Variants in FOXP2 observed in about 807,000 individuals in gnomAD.
FOXP2 encodes forkhead box protein P2.
Under a neutral mutation model 115.8 loss-of-function variants are expected in FOXP2, and 12 were observed. That is an observed-to-expected ratio of 0.10 (90% CI 0.07 to 0.17). FOXP2 has a LOEUF of 0.17. Ranked by LOEUF, FOXP2 falls within the 10% of genes least tolerant of loss-of-function variation. The pLI, the probability that FOXP2 is intolerant of heterozygous loss-of-function variation, is 1.00. For synonymous variants in FOXP2, 328 were observed against 297.7 expected (o/e 1.10, Z -1.05); for missense variants, 629 against 843.5 (o/e 0.75, Z 3.15).
In FOXP2 at chr7:114,180,898, G is replaced by C. The variant is rs147500710; in HGVS notation, c.-102+17810G>C. On this transcript the variant is annotated intron_variant, in intron 1 of 17. Transcript: ENST00000634411. ...ACCCTTTATCTCCTCCAATTCACTA[G>C]GTAACAAAAATTACCTTTTTAAAAA... Among the ~76,000 whole-genome samples the C allele has an allele frequency of 3.6e-4, 55 of 151,564 alleles. 1 individual carries two copies. In the East Asian group the frequency reaches 0.01, roughly 28 times the overall value.
intron 2 of FOXP2, among the ~76,000 whole-genome samples, chr7:114,466,921 C>T (rs1357408033): frequency 6.6e-6 from 1 of 152,142 alleles, no homozygotes; most frequent in Non-Finnish European, 1.5e-5. Context: ...AAATATAACA[C>T]CTGTGTGCTA....
chr7:114,275,170 C>T (rs1796159274), intron 1 of FOXP2, among the ~76,000 whole-genome samples: 1 of 151,534 alleles, frequency 6.6e-6, no homozygotes, highest in South Asian at 2.1e-4. Flanking sequence ...TTGGTGTTCT[C>T]TGAGTTTTCT....
chr7:114,439,324 A>G (rs1025501989), intron 2 of FOXP2, among the ~76,000 whole-genome samples: 1 of 152,154 alleles, frequency 6.6e-6, no homozygotes, highest in Non-Finnish European at 1.5e-5. Context: ...GCATGTTAAC[A>G]TAACCTTCCT....
intron 16 of FOXP2, among the ~76,000 whole-genome samples, chr7:114,689,011 C>G (rs1808517555): frequency 6.6e-6 from 1 of 152,032 alleles, no homozygotes; most frequent in African/African-American, 2.4e-5. Context: ...AATATTTTTC[C>G]ACCAGGTGCT....
At chr7:114,296,651 C>T (rs1001352566) in intron 2 of FOXP2, among the ~76,000 whole-genome samples, 5 of 151,928 alleles carry the variant, frequency 3.3e-5, no homozygotes, top group South Asian at 2.1e-4. Context: ...CATATAATGC[C>T]GCAATAACAT....
intron 2 of FOXP2, among the ~76,000 whole-genome samples, chr7:114,334,958 T>TATATATATATATAGAG (rs1562875899): frequency 7.3e-6 from 1 of 136,340 alleles, no homozygotes; most frequent in Non-Finnish European, 1.6e-5. Flanking sequence ...TATATATATA[T>TATATATATATATAGAG]AGAAATCCAA....
chr7:114,137,994 G>C (rs1792088735), intron 1 of FOXP2, among the ~76,000 whole-genome samples: 2 of 152,060 alleles, frequency 1.3e-5, no homozygotes. Context: ...ATAGGATTGG[G>C]GCAGGAAATG....
At chr7:114,647,092 A>G (rs1264185948) in intron 8 of FOXP2, among the ~76,000 whole-genome samples, 3 of 151,956 alleles carry the variant, frequency 2.0e-5, no homozygotes, top group Non-Finnish European at 4.4e-5. Flanking sequence ...TTTTAGTTCT[A>G]GTATACGCTA....
intron 1 of FOXP2, among the ~76,000 whole-genome samples, chr7:114,104,590 T>C (rs1791066532): frequency 1.3e-5 from 2 of 152,064 alleles, no homozygotes; most frequent in South Asian, 2.1e-4. Context: ...TCTATTGTTA[T>C]TTCTCTTTTT....
intron 2 of FOXP2, among the ~76,000 whole-genome samples, chr7:114,503,974 G>T (rs1584818412): frequency 6.6e-6 from 1 of 151,594 alleles, no homozygotes; most frequent in Non-Finnish European, 1.5e-5. Context: ...CAAGCATTAA[G>T]AAAAATGTGG....
rs1239062226 is a variant in FOXP2 at position 114,693,469 on chromosome 7, C to T, written c.*3543C>T. The T allele has an allele frequency of 2.2e-6, 1 of 453,008 alleles. No homozygotes were observed. The highest frequency in any genetic ancestry group is 4.4e-6 in the Non-Finnish European group (1 of 226,330). The allele number at this position is 453,008 out of a possible 1,614,324, so 28.1% of individuals were successfully genotyped here. A position where few individuals can be genotyped will look rare whatever the true frequency, so the allele number is the denominator to read the frequency against. Reference sequence around the variant, plus strand: ...TTGAGAATTTTGAGACTTCATCTTACACATGCCAGTATTAACACACATTTG... The same window carrying T: ...TTGAGAATTTTGAGACTTCATCTTATACATGCCAGTATTAACACACATTTG... On this transcript the variant is annotated 3_prime_UTR_variant, in exon 17 of 17. Coordinates refer to ENST00000350908, the MANE Select transcript of FOXP2 (RefSeq NM_014491.4).
chr7:114,558,720 A>G (rs2129290055), intron 3 of FOXP2, among the ~76,000 whole-genome samples: 1 of 152,234 alleles, frequency 6.6e-6, no homozygotes, highest in African/African-American at 2.4e-5. Context: ...TTATTATCTC[A>G]TCTGCCCTGT....
intron 3 of FOXP2, among the ~76,000 whole-genome samples, chr7:114,573,858 G>A (rs1484588997): frequency 2.0e-5 from 3 of 151,694 alleles, no homozygotes; most frequent in South Asian, 2.1e-4. Flanking sequence ...TTATCTCAAG[G>A]AAATAATATT....
intron 2 of FOXP2, among the ~76,000 whole-genome samples, chr7:114,337,409 AGC>A (rs1213433039): frequency 1.3e-5 from 2 of 151,326 alleles, no homozygotes; most frequent in African/African-American, 4.8e-5. Flanking sequence ...TCTTACTATG[AGC>A]GATTCAACTA....
chr7:114,308,464 T>C (rs1797069099), intron 2 of FOXP2, among the ~76,000 whole-genome samples: 1 of 152,146 alleles, frequency 6.6e-6, no homozygotes, highest in Non-Finnish European at 1.5e-5. Context: ...AAAACAGGTC[T>C]GTATAACCAT....
At chr7:114,655,323 A>G (rs1806522147) in intron 10 of FOXP2, among the ~76,000 whole-genome samples, 1 of 152,008 alleles carries the variant, frequency 6.6e-6, no homozygotes, top group East Asian at 1.9e-4. Flanking sequence ...CTCCAGCAGC[A>G]TGGTTACATC....
At chr7:114,195,932 C>A (rs982484364) in intron 1 of FOXP2, among the ~76,000 whole-genome samples, 2 of 152,134 alleles carry the variant, frequency 1.3e-5, no homozygotes, top group Non-Finnish European at 2.9e-5. Context: ...GCCTGGACAA[C>A]ACAGTGAGAC....
chr7:114,088,730 T>C (rs1799479562), intron 1 of FOXP2, among the ~76,000 whole-genome samples: 1 of 152,228 alleles, frequency 6.6e-6, no homozygotes, highest in African/African-American at 2.4e-5. Flanking sequence ...AAGGGGACTG[T>C]TTATCTTTTC....
chr7:114,117,934 T>A (rs907447623), intron 1 of FOXP2, among the ~76,000 whole-genome samples: 2 of 152,102 alleles, frequency 1.3e-5, no homozygotes, highest in Non-Finnish European at 2.9e-5. Context: ...GTGACTCTTA[T>A]AAGGGTCACT....
Sources: gnomAD v4.1 joint callset for allele counts (sites outside exome capture counted in the v4.1 genomes callset) on GRCh38, gnomAD v4.1.1 for gene constraint, MANE v1.5 for transcripts, NCBI Gene and HGNC (gene_info 2026-07-23, HGNC 2026-07-21) for gene names.